TOP2B: variants seen among roughly 807,000 people sequenced by gnomAD.
TOP2B encodes the protein DNA topoisomerase II beta.
Under a neutral mutation model 193.5 loss-of-function variants are expected in TOP2B, and 51 were observed. That is an observed-to-expected ratio of 0.26 (90% CI 0.21 to 0.33). The LOEUF is 0.33. TOP2B is among the 10% of genes least tolerant of loss of function. TOP2B has a pLI of 1.00. For missense variants in TOP2B, 1,378 were observed against 1,909.3 expected, an observed-to-expected ratio of 0.72 and a Z score of 5.19; for synonymous variants, 634 against 635.7, an observed-to-expected ratio of 1.00 and a Z score of 0.04.
chr3:25,639,935 T>A (rs982056168), intron 4 of TOP2B, among the ~76,000 whole-genome samples: 2 of 152,196 alleles, frequency 1.3e-5, no homozygotes, highest in Non-Finnish European at 2.9e-5. Flanking sequence ...AAGAAGTTTA[T>A]GTGCACAAAT....
chr3:25,602,788 T>C (rs1702142184), intron 33 of TOP2B, among the ~76,000 whole-genome samples: 1 of 152,232 alleles, frequency 6.6e-6, no homozygotes, highest in Non-Finnish European at 1.5e-5. Context: ...ACAGGTCAGA[T>C]ATCTGAGTAC....
At chr3:25,644,555 G>A (rs1224801607) in intron 2 of TOP2B, among the ~76,000 whole-genome samples, 1 of 151,794 alleles carries the variant, frequency 6.6e-6, no homozygotes. Context: ...ACAAAAATTA[G>A]CCAGGCGTGG....
intron 25 of TOP2B, among the ~76,000 whole-genome samples, chr3:25,616,310 A>G (rs1431088497): frequency 1.3e-5 from 2 of 151,970 alleles, no homozygotes; most frequent in Admixed American, 1.3e-4. Context: ...TAAAATAACA[A>G]TAGCCATTAA....
At chr3:25,602,867 A>G (rs1702143764) in intron 33 of TOP2B, among the ~76,000 whole-genome samples, 3 of 152,222 alleles carry the variant, frequency 2.0e-5, no homozygotes, top group Non-Finnish European at 4.4e-5. Context: ...CGCAATTTGG[A>G]GTTAACATAG....
intron 15 of TOP2B, among the ~76,000 whole-genome samples, chr3:25,628,171 TAAA>T (rs11444499): frequency 2.3e-5 from 3 of 130,172 alleles, no homozygotes; most frequent in Non-Finnish European, 4.9e-5. Flanking sequence ...TAACATTATT[TAAA>T]AAAAAAAAAA....
At chr3:25,649,609 G>GA (rs200542692) in intron 1 of TOP2B, among the ~76,000 whole-genome samples, 43,777 of 132,596 alleles carry the variant, frequency 0.33, 6,657 homozygotes, top group African/African-American at 0.37. Context: ...AGTACTGAAA[G>GA]AAAAAAAAAA....
chr3:25,645,978 C>G (rs186615919), intron 1 of TOP2B, among the ~76,000 whole-genome samples: 221 of 149,180 alleles, frequency 1.5e-3, no homozygotes, highest in African/African-American at 5.3e-3. Flanking sequence ...ACCATGTTGG[C>G]CAGGCTGGTC....
At chr3:25,647,613 A>AT (rs1703446041) in intron 1 of TOP2B, among the ~76,000 whole-genome samples, 1 of 136,166 alleles carries the variant, frequency 7.3e-6, no homozygotes, top group African/African-American at 2.8e-5. Flanking sequence ...GCACACAGGG[A>AT]TAAAAAAAAA....
intron 28 of TOP2B, among the ~76,000 whole-genome samples, chr3:25,611,994 G>C (rs1389648222): frequency 2.0e-5 from 3 of 151,804 alleles, no homozygotes; most frequent in Non-Finnish European, 4.4e-5. Flanking sequence ...CCAGGCTGGA[G>C]TGCAGTGGCA....
chr3:25,639,793 TG>T (rs1269549859), intron 4 of TOP2B, among the ~76,000 whole-genome samples: 1 of 152,252 alleles, frequency 6.6e-6, no homozygotes, highest in African/African-American at 2.4e-5. Context: ...TTTACAACCA[TG>T]ACCTTTTCCT....
chr3:25,653,402 T>C (rs1169326548), intron 1 of TOP2B, among the ~76,000 whole-genome samples: 2 of 144,846 alleles, frequency 1.4e-5, no homozygotes, highest in South Asian at 2.2e-4. Context: ...TCAATAGCAC[T>C]TTTTTTTTTT....
At chr3:25,600,511 A>G (rs907270737) in intron 34 of TOP2B, among the ~76,000 whole-genome samples, 1 of 152,218 alleles carries the variant, frequency 6.6e-6, no homozygotes, top group African/African-American at 2.4e-5. Flanking sequence ...TTAAAGAAAT[A>G]TAAGAAACAC....
intron 21 of TOP2B, among the ~76,000 whole-genome samples, chr3:25,622,639 ATTTT>A (rs576552400): frequency 2.2e-5 from 3 of 133,780 alleles, no homozygotes; most frequent in African/African-American, 2.7e-5. Context: ...AAAAATGGGG[ATTTT>A]TTTTTTTTTT....
At chr3:25,619,762 T>A in intron 23 of TOP2B, 100 bp downstream of exon 23, 6 of 734,688 alleles carry the variant, frequency 8.2e-6, no homozygotes, top group Non-Finnish European at 1.1e-5. Context: ...AAAAAATGCC[T>A]TCAGGCTTAC....
At chr3:25,599,279 A>G (rs1702022642) in intron 35 of TOP2B, among the ~76,000 whole-genome samples, 156 bp downstream of exon 35, 1 of 152,160 alleles carries the variant, frequency 6.6e-6, no homozygotes, top group Non-Finnish European at 1.5e-5. Flanking sequence ...ATATAAATTT[A>G]TACTTGAATA....
intron 18 of TOP2B, 199 bp from the exon 19 acceptor site, chr3:25,625,002 C>CCTG: frequency 2.2e-6 from 1 of 459,712 alleles, no homozygotes; most frequent in Non-Finnish European, 3.9e-6. Context: ...CAGGTATATA[C>CCTG]TAAGATGTTT....
chr3:25,660,378 C>A (rs748792172), intron 1 of TOP2B, among the ~76,000 whole-genome samples: 1 of 152,258 alleles, frequency 6.6e-6, no homozygotes, highest in East Asian at 1.9e-4. Flanking sequence ...AGTTATCATG[C>A]ATGAAAGTTA....
chr3:25,652,854 C>T (rs572549398), intron 1 of TOP2B, among the ~76,000 whole-genome samples: 3 of 151,716 alleles, frequency 2.0e-5, no homozygotes, highest in African/African-American at 7.2e-5. Context: ...ATCAATGAAA[C>T]CAAGAGTTTG....
At chr3:25,653,401 CT>C (rs1200889711) in intron 1 of TOP2B, among the ~76,000 whole-genome samples, 163 of 146,324 alleles carry the variant, frequency 1.1e-3, no homozygotes, top group African/African-American at 2.4e-3. Context: ...TTCAATAGCA[CT>C]TTTTTTTTTT....
Sources: allele counts gnomAD v4.1 joint callset (sites outside exome capture counted in the v4.1 genomes callset), GRCh38; gene constraint gnomAD v4.1.1; transcripts MANE v1.5; gene names NCBI Gene and HGNC (gene_info 2026-07-23, HGNC 2026-07-21).